The following DRICH1 variants were observed in gnomAD, a reference collection of about 807,000 sequenced individuals.
The protein encoded by DRICH1 is aspartate-rich protein 1.
A neutral mutation model predicts 39.5 loss-of-function variants in DRICH1; 38 were observed. The observed-to-expected ratio is 0.96, with a 90% CI of 0.74 to 1.26. The LOEUF (loss-of-function observed/expected upper bound fraction) is 1.26. Among genes scored for constraint, DRICH1 ranks in the 50% most tolerant of loss-of-function variants. The probability of loss-of-function intolerance (pLI) is 0.00; values close to 1 mark genes in which losing one functional copy is unlikely to be tolerated. For missense variants in DRICH1, 279 were observed against 270.4 expected (o/e 1.03, Z -0.22); for synonymous variants, 84 against 99.5 (o/e 0.84, Z 0.93).
the DRICH1 span, among the ~76,000 whole-genome samples, chr22:23,582,555 C>CTTTATTATTA: frequency 4.9e-5 from 7 of 143,880 alleles, no homozygotes; most frequent in East Asian, 1.4e-3. Context: ...CCTTCAGGGG[C>CTTTATTATTA]TTATTATTAT....
chr22:23,625,334 G>C (rs1201612361), intron 2 of DRICH1, among the ~76,000 whole-genome samples: 1 of 152,048 alleles, frequency 6.6e-6, no homozygotes, highest in Non-Finnish European at 1.5e-5. Flanking sequence ...GAGAAGGAAA[G>C]AAATCAGGTG....
chr22:23,594,524 C>T, the DRICH1 span, among the ~76,000 whole-genome samples: 1 of 152,194 alleles, frequency 6.6e-6, no homozygotes, highest in East Asian at 1.9e-4. Flanking sequence ...AAGCCAAGAT[C>T]GCACCACTAC....
At chr22:23,585,806 C>T in the DRICH1 span, among the ~76,000 whole-genome samples, 1 of 152,192 alleles carries the variant, frequency 6.6e-6, no homozygotes, top group Non-Finnish European at 1.5e-5. Flanking sequence ...AGGGATGAGT[C>T]ACTGTGTGCC....
At chr22:23,632,678 G>GT (rs5844568), upstream of DRICH1, 25,088 of 151,506 alleles carry the variant, frequency 0.17, 2,155 homozygotes, top group East Asian at 0.32. Context: ...GAGGCTGAGC[G>GT]GGGGGGGTGG....
chr22:23,582,298 C>G, the DRICH1 span, among the ~76,000 whole-genome samples: 4 of 149,404 alleles, frequency 2.7e-5, no homozygotes, highest in Non-Finnish European at 5.9e-5. Context: ...TTTTTTGAGA[C>G]GGAGTCTCAC....
the DRICH1 span, among the ~76,000 whole-genome samples, chr22:23,601,802 T>A: frequency 8.0e-4 from 122 of 152,374 alleles, no homozygotes; most frequent in East Asian, 0.02. Flanking sequence ...AGCGGTCACA[T>A]CCTTTACGTT....
At position 23,618,403 on chromosome 22, in the gene DRICH1, C is replaced by T. The variant is rs141377684; in HGVS notation, c.437-746G>A. Among the ~76,000 whole-genome samples, 1,487 of 151,868 alleles carry T rather than the reference C, an allele frequency of 9.8e-3. 24 individuals are homozygous for T. Among genetic ancestry groups the T allele is most frequent in the African/African-American group, 0.033 (1,360 of 41,400 alleles). Reference sequence around the variant, plus strand: ...TGCTGGGATTACAGGGGTGAGCCACCGCACCCAGCTGATCACAATTTTTTT... The same window carrying T: ...TGCTGGGATTACAGGGGTGAGCCACTGCACCCAGCTGATCACAATTTTTTT... On this transcript the variant is annotated intron_variant, in intron 6 of 11. Coordinates refer to ENST00000317749, the MANE Select transcript of DRICH1 (RefSeq NM_016449.4).
chr22:23,598,177 C>G, the DRICH1 span, among the ~76,000 whole-genome samples: 9 of 147,440 alleles, frequency 6.1e-5, no homozygotes, highest in African/African-American at 2.0e-4. Context: ...CCCCTTCACC[C>G]AGGAAGCTAC....
chr22:23,616,557 C>G (rs1319602643), intron 8 of DRICH1, among the ~76,000 whole-genome samples: 2 of 152,292 alleles, frequency 1.3e-5, no homozygotes, highest in African/African-American at 2.4e-5. Flanking sequence ...CATACTCTTC[C>G]CTGCTGAGAT....
At chr22:23,594,147 C>T in the DRICH1 span, among the ~76,000 whole-genome samples, 2 of 152,082 alleles carry the variant, frequency 1.3e-5, no homozygotes, top group East Asian at 1.9e-4. Flanking sequence ...TGGAGAAAGA[C>T]GTGAAACTAC....
At chr22:23,629,193 C>T (rs1379073306) in intron 1 of DRICH1, among the ~76,000 whole-genome samples, 1 of 152,174 alleles carries the variant, frequency 6.6e-6, no homozygotes, top group Non-Finnish European at 1.5e-5. Context: ...CACCCACCAC[C>T]ACATCCAACT....
chr22:23,586,359 TG>T, the DRICH1 span, among the ~76,000 whole-genome samples: 1 of 152,282 alleles, frequency 6.6e-6, no homozygotes, highest in South Asian at 2.1e-4. Context: ...CATGGTGACT[TG>T]CACCTGTAGT....
chr22:23,631,964 G>A lies in DRICH1; in HGVS notation c.60C>T (p.Asp20=), dbSNP rs763404855. Residue 20 remains aspartate, a synonymous_variant, in exon 1 of 12, where the codon GAC becomes GAT. Transcript: ENST00000317749. ...NSHCGWPRGK[D]APCYESDTDI... ...CAGTATCAGATTCATAACAGGGTGC[G>A]TCCTTCCCCCTGGGCCAGCCACAGT... 24 of 1,613,682 alleles carry A rather than the reference G, an allele frequency of 1.5e-5. No individual in the cohort carries two copies. The African/African-American group carries it at 1.6e-4, about 11-fold the overall frequency.
the DRICH1 span, among the ~76,000 whole-genome samples, chr22:23,594,452 C>T: frequency 1.3e-5 from 2 of 152,214 alleles, no homozygotes; most frequent in Admixed American, 1.3e-4. Context: ...TGCCTGTAAT[C>T]CCAGCTACTC....
At chr22:23,590,149 T>C in the DRICH1 span, among the ~76,000 whole-genome samples, 1 of 152,166 alleles carries the variant, frequency 6.6e-6, no homozygotes, top group Admixed American at 6.5e-5. Context: ...TTTGTTGATT[T>C]CCAGAGCCAT....
Position 23,614,128 on chromosome 22 carries a change from G to A in DRICH1, c.621+7C>T, listed in dbSNP as rs758440426. 3.8e-6 allele frequency: 6 copies of A among 1,596,488 alleles called. No homozygotes were observed. The South Asian group carries it at 5.5e-5, about 15-fold the overall frequency. ...TGCTGTAGAAGACAAAAAAAGGGAG[G>A]TCTTACGTGGATGTCATCATCATCT... is the stretch of plus-strand genomic sequence containing the variant. On this transcript the variant is annotated splice_region_variant and intron_variant, in intron 9 of 11. Coordinates refer to ENST00000317749, the MANE Select transcript of DRICH1 (RefSeq NM_016449.4).
intron 11 of DRICH1, 138 bp downstream of exon 11, chr22:23,613,151 C>G: frequency 2.8e-6 from 2 of 707,976 alleles, no homozygotes; most frequent in Admixed American, 2.1e-5. Context: ...AAACAACAAG[C>G]CAGACCTCAC....
Position 23,632,136 on chromosome 22 carries a change from C to A in DRICH1, c.-113G>T. The A allele has an allele frequency of 6.6e-7, 1 of 1,509,972 alleles. No individual in the cohort carries two copies. The highest frequency in any genetic ancestry group is 8.9e-7 in the Non-Finnish European group (1 of 1,124,534). 93.5% of individuals were successfully genotyped at this position (1,509,972 alleles called of 1,614,324 possible). A position where few individuals can be genotyped will look rare whatever the true frequency, so the allele number is the denominator to read the frequency against. Reference sequence around the variant, plus strand: ...CCCTGCACTTTTAGAAGCAGCCTGACCCCAGGCAGATCTGGGTCCTCAGCC... The same window carrying A: ...CCCTGCACTTTTAGAAGCAGCCTGAACCCAGGCAGATCTGGGTCCTCAGCC... On this transcript the variant is annotated 5_prime_UTR_variant, in exon 1 of 12. Transcript: ENST00000317749.
the DRICH1 span, among the ~76,000 whole-genome samples, chr22:23,593,666 T>A: frequency 6.8e-6 from 1 of 148,124 alleles, no homozygotes. Flanking sequence ...GGGCATGATG[T>A]CGCGCGCCTG....
Sources: allele counts gnomAD v4.1 joint callset (sites outside exome capture counted in the v4.1 genomes callset), GRCh38; gene constraint gnomAD v4.1.1; transcripts MANE v1.5; gene names NCBI Gene and HGNC (gene_info 2026-07-23, HGNC 2026-07-21).